Variants in SPATA6L observed in about 807,000 individuals in gnomAD.
SPATA6L encodes spermatogenesis associated 6-like protein.
A neutral mutation model predicts 49.2 loss-of-function variants in SPATA6L; 68 were observed. The ratio of observed to expected loss-of-function variants is 1.38; its 90% CI spans 1.14 to 1.69. The LOEUF (loss-of-function observed/expected upper bound fraction) is 1.69, where lower values mean the gene tolerates loss of function less well. SPATA6L is among the 40% of genes most tolerant of loss of function. The pLI is 0.00. For missense variants in SPATA6L, 668 were observed against 464.3 expected, an observed-to-expected ratio of 1.44 and a Z score of -4.03; for synonymous variants, 198 against 165.7, an observed-to-expected ratio of 1.19 and a Z score of -1.50.
intron 6 of SPATA6L, among the ~76,000 whole-genome samples, chr9:4,624,512 G>C (rs1360784600): frequency 1.3e-5 from 2 of 152,150 alleles, no homozygotes; most frequent in Non-Finnish European, 2.9e-5. Flanking sequence ...TGGATCATCT[G>C]AGGTCAGGAG....
chr9:4,600,009 G>C lies in SPATA6L; in HGVS notation c.*802C>G, dbSNP rs75911800. 9.0e-3 allele frequency among the ~76,000 whole-genome samples: 1,363 copies of C among 152,274 alleles called. 18 individuals carry two copies. Among genetic ancestry groups the C allele is most frequent in the African/African-American group, 0.031 (1,307 of 41,540 alleles). The stretch of plus-strand genomic sequence containing the variant: ...ATTCCTGCTCCCTCACACTGTGTAA[G>C]CATTTCATAGATGCACCTTCCTAAC... On this transcript the variant is annotated 3_prime_UTR_variant, in exon 12 of 12. Coordinates refer to ENST00000682582, the MANE Select transcript of SPATA6L (RefSeq NM_001353486.2).
chr9:4,595,995 T>C (rs149779443), downstream of SPATA6L, among the ~76,000 whole-genome samples: 1 of 152,314 alleles, frequency 6.6e-6, no homozygotes, highest in East Asian at 1.9e-4. Context: ...GGGTGTTACA[T>C]GCTCCACTTC....
At chr9:4,593,005 T>G (rs944398390) in intron 13 of SPATA6L, among the ~76,000 whole-genome samples, 2 of 152,234 alleles carry the variant, frequency 1.3e-5, no homozygotes, top group Non-Finnish European at 2.9e-5. Context: ...ATATTTTACA[T>G]GCATAGTCTC....
intron 4 of SPATA6L, 51 bp from the exon 5 acceptor site, chr9:4,629,219 A>C (rs765339936): frequency 1.5e-5 from 19 of 1,290,904 alleles, no homozygotes; most frequent in Middle Eastern, 1.8e-4. Flanking sequence ...ACAGTTCTTT[A>C]GCCATCTCCT....
rs563438548 is a variant in SPATA6L, at chr9:4,621,650, G to A, written c.772+758C>T. On this transcript the variant is annotated intron_variant, in intron 7 of 11. Transcript: ENST00000682582. The stretch of plus-strand genomic sequence containing the variant: ...ACTACAGGCATGTGCCACCACGCCC[G>A]GCTAATTTTGTATTTTTAGTAGAGA... Among the ~76,000 whole-genome samples, 31 of 152,162 alleles carry A rather than the reference G, an allele frequency of 2.0e-4. No homozygotes were observed. In the East Asian group the frequency reaches 4.6e-3, roughly 23 times the overall value.
chr9:4,645,258 G>A (rs1835108992), intron 3 of SPATA6L, among the ~76,000 whole-genome samples: 1 of 152,152 alleles, frequency 6.6e-6, no homozygotes, highest in Admixed American at 6.5e-5. Context: ...ACAACAATTT[G>A]TACATTAATA....
chr9:4,639,446 G>T (rs1449004361), intron 3 of SPATA6L, among the ~76,000 whole-genome samples: 1 of 152,124 alleles, frequency 6.6e-6, no homozygotes, highest in African/African-American at 2.4e-5. Context: ...CAGAATCACA[G>T]GAATAAAAAT....
chr9:4,642,176 T>A (rs1021051791), intron 3 of SPATA6L, among the ~76,000 whole-genome samples: 4 of 152,230 alleles, frequency 2.6e-5, no homozygotes, highest in Admixed American at 2.6e-4. Context: ...ATTACTTAGG[T>A]ATTGAGTAAC....
At chr9:4,625,146 C>G (rs1343387235) in intron 6 of SPATA6L, 181 bp downstream of exon 6, 1 of 1,174,078 alleles carries the variant, frequency 8.5e-7, no homozygotes, top group African/African-American at 1.6e-5. Flanking sequence ...AGGTACCTTT[C>G]TAGGGGTTTC....
At position 4,604,168 on chromosome 9, in the gene SPATA6L, T is replaced by C. The variant is rs1586944132; in HGVS notation, c.*1+11A>G. 2 of 1,590,204 alleles carry C rather than the reference T, an allele frequency of 1.3e-6. No homozygotes were observed. The highest frequency in any genetic ancestry group is 1.7e-6 in the Non-Finnish European group (2 of 1,163,730). On this transcript the variant is annotated intron_variant, in intron 11 of 11. Coordinates refer to ENST00000682582, the MANE Select transcript of SPATA6L (RefSeq NM_001353486.2). Reference sequence around the variant, plus strand: ...GAAGCACTTAAGCTGCTTACTTACATAAGACAGTACCTTAAAAATATCTCT... The same window carrying C: ...GAAGCACTTAAGCTGCTTACTTACACAAGACAGTACCTTAAAAATATCTCT...
chr9:4,662,300 G>T lies in SPATA6L; in HGVS notation c.40-264C>A. 3 of 1,435,144 alleles carry T rather than the reference G, an allele frequency of 2.1e-6. No homozygotes were observed. Among genetic ancestry groups the T allele is most frequent in the South Asian group, 3.0e-5 (2 of 67,766 alleles). 88.9% of individuals were successfully genotyped at this position (1,435,144 alleles called of 1,614,324 possible). Reference sequence around the variant, plus strand: ...CCCGCCCCTCCGGGATGGTAGTGCGGAAGCGGAAGAGGCTGCAGGGCCGGG... The same window carrying T: ...CCCGCCCCTCCGGGATGGTAGTGCGTAAGCGGAAGAGGCTGCAGGGCCGGG... On this transcript the variant is annotated intron_variant, in intron 1 of 11. Coordinates refer to ENST00000682582, the MANE Select transcript of SPATA6L (RefSeq NM_001353486.2). The surrounding 1 kb of genome is among the most constrained non-coding windows in gnomAD (Gnocchi z 4.9).
intron 9 of SPATA6L, among the ~76,000 whole-genome samples, chr9:4,613,331 T>C (rs1481038032): frequency 6.6e-6 from 1 of 152,184 alleles, no homozygotes; most frequent in African/African-American, 2.4e-5. Flanking sequence ...GTTGTTACTA[T>C]GGCTACCATA....
intron 3 of SPATA6L, among the ~76,000 whole-genome samples, chr9:4,644,332 G>C (rs1383024775): frequency 6.6e-6 from 1 of 150,772 alleles, no homozygotes; most frequent in Non-Finnish European, 1.5e-5. Context: ...GACAGAGTGA[G>C]ATCTTGTCTC....
intron 9 of SPATA6L, among the ~76,000 whole-genome samples, chr9:4,613,660 T>C (rs7860536): frequency 0.071 from 10,745 of 152,152 alleles, 605 homozygotes; most frequent in African/African-American, 0.14. Flanking sequence ...CTCCGCTCAC[T>C]GCAACCTCTG....
intron 3 of SPATA6L, among the ~76,000 whole-genome samples, chr9:4,643,100 C>T (rs566264841): frequency 2.6e-4 from 39 of 152,084 alleles, no homozygotes; most frequent in Non-Finnish European, 4.7e-4. Context: ...CTCTGCCTCC[C>T]GGGTTCAAGC....
chr9:4,633,249 C>A, intron 4 of SPATA6L: 1 of 157,346 alleles, frequency 6.4e-6, no homozygotes, highest in South Asian at 1.8e-4. Context: ...ATGGCCAAGT[C>A]TACCTGCTAC....
At chr9:4,652,699 G>C (rs553796121) in intron 3 of SPATA6L, among the ~76,000 whole-genome samples, 1 of 152,034 alleles carries the variant, frequency 6.6e-6, no homozygotes, top group South Asian at 2.1e-4. Context: ...AAATTAGCCA[G>C]GCGTGGTGGT....
chr9:4,645,621 C>A (rs1835208207), intron 3 of SPATA6L, among the ~76,000 whole-genome samples: 1 of 152,130 alleles, frequency 6.6e-6, no homozygotes, highest in South Asian at 2.1e-4. Context: ...ATGGTAGAGC[C>A]CTCATTACCC....
chr9:4,662,013 C>A lies in SPATA6L; in HGVS notation c.63G>T (p.Leu21=). The A allele has an allele frequency of 6.2e-7, 1 of 1,614,072 alleles. No individual in the cohort carries two copies. The highest frequency in any genetic ancestry group is 8.5e-7 in the Non-Finnish European group (1 of 1,179,992). Residue 21 remains leucine, a synonymous_variant, in exon 2 of 12, where the codon CTG becomes CTT. Coordinates refer to ENST00000682582, the MANE Select transcript of SPATA6L (RefSeq NM_001353486.2). This position sits in a 1 kb window ranked among gnomAD's most constrained non-coding sequence, Gnocchi z 4.9. The part of the protein sequence containing the change: ...IRAISCPGVF[L]PGKQDVYLGV... ...CGAGGTACACATCTTGTTTGCCAGGCAGGAACACTCCTGGGCAAGAAATCT... is the reference window on the plus strand; with the variant it reads ...CGAGGTACACATCTTGTTTGCCAGGAAGGAACACTCCTGGGCAAGAAATCT...
Sources: allele counts gnomAD v4.1 joint callset (sites outside exome capture counted in the v4.1 genomes callset), GRCh38; gene constraint gnomAD v4.1.1; non-coding constraint Gnocchi (gnomAD v3.1); transcripts MANE v1.5; gene names NCBI Gene and HGNC (gene_info 2026-07-23, HGNC 2026-07-21).